Variants in GRID2 observed in about 807,000 individuals in gnomAD.
The protein encoded by GRID2 is glutamate receptor ionotropic, delta-2.
A neutral mutation model predicts 114.8 loss-of-function variants in GRID2; 33 were observed. The ratio of observed to expected loss-of-function variants is 0.29; its 90% confidence interval spans 0.22 to 0.38. The LOEUF is 0.38. Among genes scored for constraint, GRID2 ranks in the 10% least tolerant of loss-of-function variants. GRID2 has a pLI of 1.00. For synonymous variants in GRID2, 505 were observed against 449.9 expected (o/e 1.12, Z -1.55); for missense variants, 1,184 against 1,257.7 (o/e 0.94, Z 0.89).
intron 13 of GRID2, among the ~76,000 whole-genome samples, chr4:93,618,241 T>C (rs1168985845): frequency 2.0e-5 from 3 of 152,240 alleles, no homozygotes; most frequent in African/African-American, 7.2e-5. Context: ...TCCAGTTAAG[T>C]GCTCTTCTTA....
chr4:93,456,629 T>G (rs994514645), intron 11 of GRID2, among the ~76,000 whole-genome samples: 2 of 152,180 alleles, frequency 1.3e-5, no homozygotes, highest in Admixed American at 6.5e-5. Context: ...TAATATTTAT[T>G]GCATTCCTTA....
chr4:92,898,894 A>C (rs1297671053), intron 2 of GRID2, among the ~76,000 whole-genome samples: 1 of 152,184 alleles, frequency 6.6e-6, no homozygotes, highest in South Asian at 2.1e-4. Context: ...AATTAGAAGA[A>C]ACATGTTAAA....
intron 14 of GRID2, among the ~76,000 whole-genome samples, chr4:93,692,833 T>C (rs771729173): frequency 4.6e-5 from 7 of 152,190 alleles, no homozygotes; most frequent in Non-Finnish European, 1.0e-4. Flanking sequence ...TTACAGTTTT[T>C]GCAGATTGTC....
intron 1 of GRID2, among the ~76,000 whole-genome samples, chr4:92,488,487 T>A (rs186324401): frequency 6.6e-6 from 1 of 152,234 alleles, no homozygotes; most frequent in Admixed American, 6.5e-5. Context: ...TGCTGAGGGA[T>A]CATTGGGAAG....
intron 1 of GRID2, among the ~76,000 whole-genome samples, chr4:92,411,655 G>GTGTGTGTGTATGTATATATATATA: frequency 2.4e-4 from 20 of 84,694 alleles, no homozygotes; most frequent in African/African-American, 1.1e-3. Context: ...GTGTGTGTGT[G>GTGTGTGTGTATGTATATATATATA]TATATATATA....
At chr4:93,004,299 C>T (rs1013297097) in intron 2 of GRID2, among the ~76,000 whole-genome samples, 4 of 151,666 alleles carry the variant, frequency 2.6e-5, no homozygotes, top group Non-Finnish European at 4.4e-5. Flanking sequence ...TAATCAACAA[C>T]GTGCCTATAG....
intron 1 of GRID2, among the ~76,000 whole-genome samples, chr4:92,487,762 TTTG>T (rs1722965207): frequency 7.9e-5 from 12 of 151,986 alleles, no homozygotes; most frequent in Admixed American, 7.9e-4. Flanking sequence ...TTTTTGTTTG[TTTG>T]TTTGTTTGTT....
intron 2 of GRID2, among the ~76,000 whole-genome samples, chr4:92,652,542 C>A (rs918835441): frequency 6.6e-6 from 1 of 151,346 alleles, no homozygotes; most frequent in Non-Finnish European, 1.5e-5. Context: ...GTTAGCCAGG[C>A]ATGGTGACAC....
chr4:93,718,811 T>C (rs1051629193), intron 14 of GRID2, among the ~76,000 whole-genome samples: 1 of 152,154 alleles, frequency 6.6e-6, no homozygotes, highest in Non-Finnish European at 1.5e-5. Flanking sequence ...TAACTAGTTG[T>C]AAGATGATGG....
At chr4:92,808,250 A>G (rs927928173) in intron 2 of GRID2, among the ~76,000 whole-genome samples, 1 of 152,008 alleles carries the variant, frequency 6.6e-6, no homozygotes, top group African/African-American at 2.4e-5. Flanking sequence ...CATAAGATCC[A>G]TTTTGGTTTT....
chr4:93,703,374 A>G (rs1361109266), intron 14 of GRID2, among the ~76,000 whole-genome samples: 1 of 152,150 alleles, frequency 6.6e-6, no homozygotes, highest in Non-Finnish European at 1.5e-5. Context: ...TATCACCTCA[A>G]GCATCTATTA....
intron 8 of GRID2, among the ~76,000 whole-genome samples, chr4:93,362,644 G>A (rs753120484): frequency 6.6e-6 from 1 of 151,852 alleles, no homozygotes; most frequent in Non-Finnish European, 1.5e-5. Flanking sequence ...TCTGGGCAAG[G>A]GTTTACCCCT....
At chr4:93,430,647 GATAA>G (rs1186143650) in intron 10 of GRID2, among the ~76,000 whole-genome samples, 1 of 152,232 alleles carries the variant, frequency 6.6e-6, no homozygotes, top group African/African-American at 2.4e-5. Context: ...GAGATACAAA[GATAA>G]ATAAAACATG....
intron 2 of GRID2, among the ~76,000 whole-genome samples, chr4:92,762,156 AC>A (rs1309277360): frequency 6.6e-6 from 1 of 150,874 alleles, no homozygotes; most frequent in Non-Finnish European, 1.5e-5. Flanking sequence ...CTCATGATCC[AC>A]CCCCCTCAGC....
chr4:92,966,567 G>T (rs746073954), intron 2 of GRID2, among the ~76,000 whole-genome samples: 15 of 151,844 alleles, frequency 9.9e-5, no homozygotes, highest in Non-Finnish European at 2.1e-4. Context: ...TGAACCATGG[G>T]TGCAGTTTCC....
At chr4:92,316,972 T>C (rs1726018419) in intron 1 of GRID2, among the ~76,000 whole-genome samples, 2 of 152,188 alleles carry the variant, frequency 1.3e-5, no homozygotes, top group African/African-American at 4.8e-5. Flanking sequence ...TTTTTAAAAA[T>C]AGATGTCAGT....
intron 13 of GRID2, among the ~76,000 whole-genome samples, chr4:93,523,083 G>A (rs1458776736): frequency 6.6e-6 from 1 of 152,058 alleles, no homozygotes; most frequent in African/African-American, 2.4e-5. Context: ...CTTCAAAGCT[G>A]GAGAATTTTC....
chr4:92,824,156 G>A (rs1044634366), intron 2 of GRID2, among the ~76,000 whole-genome samples: 1 of 152,194 alleles, frequency 6.6e-6, no homozygotes, highest in Non-Finnish European at 1.5e-5. Flanking sequence ...TGTAGGCTAA[G>A]AAAGACGTAG....
At chr4:92,408,015 G>A (rs1017751872) in intron 1 of GRID2, among the ~76,000 whole-genome samples, 32 of 152,224 alleles carry the variant, frequency 2.1e-4, no homozygotes, top group Admixed American at 1.5e-3. Flanking sequence ...CAAAGTCTAC[G>A]TAGAAAAGGA....
Sources: gnomAD v4.1 joint callset for allele counts (sites outside exome capture counted in the v4.1 genomes callset) on GRCh38, gnomAD v4.1.1 for gene constraint, MANE v1.5 for transcripts, NCBI Gene and HGNC (gene_info 2026-07-23, HGNC 2026-07-21) for gene names.